The following KCNN2 variants were observed in gnomAD, a reference collection of about 807,000 sequenced individuals.
KCNN2 encodes small conductance calcium-activated potassium channel protein 2.
In KCNN2, 24 loss-of-function variants were observed where a neutral mutation model predicts 55.5. The observed-to-expected ratio is 0.43, with a 90% CI of 0.31 to 0.61. The LOEUF (loss-of-function observed/expected upper bound fraction) is 0.61, where lower values mean the gene tolerates loss of function less well. Ranked by LOEUF, KCNN2 falls within the 20% of genes least tolerant of loss-of-function variation. KCNN2 has a pLI of 0.08. For missense variants in KCNN2, 754 were observed against 853.6 expected, an observed-to-expected ratio of 0.88 and a Z score of 1.45; for synonymous variants, 431 against 336.1, an observed-to-expected ratio of 1.28 and a Z score of -3.09.
intron 6 of KCNN2, among the ~76,000 whole-genome samples, chr5:114,489,729 G>T (rs768643199): frequency 1.8e-4 from 27 of 152,054 alleles, no homozygotes; most frequent in Admixed American, 2.0e-4. Context: ...TGGAAGTTAG[G>T]GAGTGAAGTC....
rs573493736 is a variant in KCNN2, at chr5:114,258,540, G to C, written c.-185+36975G>C. ...CACTACTCATTGTTGGTTTGCTCGA[G>C]ATTTCTATTTCTTCCTGGTTCAATC... On this transcript the variant is annotated intron_variant, in intron 2 of 10. Transcript: ENST00000512097. Among the ~76,000 whole-genome samples the C allele has an allele frequency of 1.4e-4, 22 of 152,128 alleles. No homozygotes were observed. In the South Asian group the frequency reaches 3.5e-3, roughly 24 times the overall value.
chr5:114,255,746 A>G (rs1241953402), intron 2 of KCNN2, among the ~76,000 whole-genome samples: 1 of 152,188 alleles, frequency 6.6e-6, no homozygotes, highest in Non-Finnish European at 1.5e-5. Context: ...ATAGAGGCAT[A>G]AACTGGAGGA....
intron 2 of KCNN2, among the ~76,000 whole-genome samples, chr5:114,373,236 C>T (rs1013667742): frequency 7.2e-5 from 11 of 152,128 alleles, no homozygotes; most frequent in Non-Finnish European, 1.0e-4. Context: ...ACTCCTCTAC[C>T]TTCCTAATTC....
Position 114,249,166 on chromosome 5 carries a change from T to C in KCNN2, c.-185+27601T>C, listed in dbSNP as rs1347277488. On this transcript the variant is annotated intron_variant, in intron 2 of 10. Coordinates refer to the KCNN2 transcript ENST00000512097. Reference sequence around the variant, plus strand: ...TCTCTAAGTTCTGCTGATGATTCAATGGAGATTAACATTTCTTTTTTTTTA... The same window carrying C: ...TCTCTAAGTTCTGCTGATGATTCAACGGAGATTAACATTTCTTTTTTTTTA... Among the ~76,000 whole-genome samples the C allele has an allele frequency of 3.9e-5, 6 of 152,034 alleles. No individual in the cohort carries two copies. In the East Asian group the frequency reaches 1.2e-3, roughly 29 times the overall value.
At chr5:114,465,935 G>T (rs976854518) in intron 4 of KCNN2, among the ~76,000 whole-genome samples, 10 of 152,108 alleles carry the variant, frequency 6.6e-5, no homozygotes, top group Non-Finnish European at 1.0e-4. Context: ...TCAGGCTACG[G>T]GGCAGTCTTC....
intron 2 of KCNN2, among the ~76,000 whole-genome samples, chr5:114,314,064 A>C (rs915300761): frequency 1.3e-5 from 2 of 152,126 alleles, no homozygotes; most frequent in African/African-American, 2.4e-5. Context: ...TTCGTGGATC[A>C]CTTTTCTTGT....
Position 114,417,740 on chromosome 5 carries a change from T to A in KCNN2, c.1637+12884T>A, listed in dbSNP as rs17136582. On this transcript the variant is annotated intron_variant, in intron 3 of 7. Transcript: ENST00000673685. ...CCTAAAACTTTTGTCTGGCTCTGAT[T>A]AGGTTAGGAGATGAGTTCCCTCTGC... 6.4e-3 allele frequency among the ~76,000 whole-genome samples: 981 copies of A among 152,268 alleles called. 10 individuals are homozygous for A. Among genetic ancestry groups the A allele is most frequent in the African/African-American group, 0.022 (931 of 41,564 alleles).
intron 1 of KCNN2, among the ~76,000 whole-genome samples, chr5:114,221,463 G>A (rs1379764768): frequency 1.3e-5 from 2 of 152,082 alleles, no homozygotes; most frequent in East Asian, 3.9e-4. Context: ...AAGACTAATA[G>A]AATTTACCTC....
chr5:114,379,748 CAT>C (rs1272234832), intron 2 of KCNN2, among the ~76,000 whole-genome samples: 2 of 121,406 alleles, frequency 1.6e-5, no homozygotes, highest in South Asian at 2.4e-4. Flanking sequence ...TATTATATAA[CAT>C]ATTATATATT....
intron 3 of KCNN2, 35 bp downstream of exon 3, chr5:114,404,891 C>T (rs757404450): frequency 2.6e-6 from 4 of 1,556,412 alleles, no homozygotes; most frequent in South Asian, 2.4e-5. Context: ...ACATAATTTA[C>T]CATGTGGTAT....
At chr5:114,416,334 T>G (rs1163516458) in intron 3 of KCNN2, among the ~76,000 whole-genome samples, 2 of 152,238 alleles carry the variant, frequency 1.3e-5, no homozygotes, top group Admixed American at 1.3e-4. Context: ...AGCAAACATT[T>G]GCAATGTGTC....
At chr5:114,095,778 C>G (rs577369492) in intron 1 of KCNN2, among the ~76,000 whole-genome samples, 2 of 152,190 alleles carry the variant, frequency 1.3e-5, no homozygotes, top group African/African-American at 2.4e-5. Flanking sequence ...GTCTACTTGC[C>G]TTAGACATAT....
intron 2 of KCNN2, among the ~76,000 whole-genome samples, chr5:114,356,072 C>A (rs980176744): frequency 2.6e-5 from 4 of 151,958 alleles, no homozygotes; most frequent in Admixed American, 2.6e-4. Flanking sequence ...TAATGAGAGG[C>A]GACTATATTC....
intron 2 of KCNN2, among the ~76,000 whole-genome samples, chr5:114,256,847 G>T (rs994915716): frequency 6.6e-6 from 1 of 152,044 alleles, no homozygotes; most frequent in African/African-American, 2.4e-5. Flanking sequence ...TTCTTTTGCT[G>T]TGCAGAAGCT....
intron 2 of KCNN2, among the ~76,000 whole-genome samples, chr5:114,353,142 C>G (rs188242590): frequency 6.6e-6 from 1 of 151,578 alleles, no homozygotes; most frequent in East Asian, 1.9e-4. Context: ...AAATTGTCTT[C>G]TTTGTCTCCA....
chr5:114,347,962 T>C (rs1366685248), intron 2 of KCNN2, among the ~76,000 whole-genome samples: 1 of 152,090 alleles, frequency 6.6e-6, no homozygotes, highest in Non-Finnish European at 1.5e-5. Flanking sequence ...GATCCTAGTA[T>C]TACAGCCACC....
intron 2 of KCNN2, among the ~76,000 whole-genome samples, chr5:114,368,647 A>G (rs1432108839): frequency 6.6e-6 from 1 of 152,232 alleles, no homozygotes; most frequent in East Asian, 1.9e-4. Flanking sequence ...ATTTTTATTA[A>G]TAAAATAACC....
At chr5:114,101,713 C>T in intron 1 of KCNN2, among the ~76,000 whole-genome samples, 1 of 152,008 alleles carries the variant, frequency 6.6e-6, no homozygotes, top group South Asian at 2.1e-4. Flanking sequence ...TGTTAGTTTG[C>T]TGAGAATGAT....
chr5:114,137,714 A>G (rs933225716), intron 1 of KCNN2, among the ~76,000 whole-genome samples: 3 of 152,152 alleles, frequency 2.0e-5, no homozygotes, highest in African/African-American at 7.2e-5. Flanking sequence ...AAGAAATCAA[A>G]AAGTAGCTCC....
Sources: gnomAD v4.1 joint callset for allele counts (sites outside exome capture counted in the v4.1 genomes callset) on GRCh38, gnomAD v4.1.1 for gene constraint, MANE v1.5 for transcripts, NCBI Gene and HGNC (gene_info 2026-07-23, HGNC 2026-07-21) for gene names.